Variants in HIVEP3 observed in about 807,000 individuals in gnomAD.
The protein encoded by HIVEP3 is HIVEP zinc finger 3.
In HIVEP3, 49 loss-of-function variants were observed where a neutral mutation model predicts 152.8. The ratio of observed to expected loss-of-function variants is 0.32; its 90% CI spans 0.26 to 0.41. The LOEUF (loss-of-function observed/expected upper bound fraction) is 0.41. Ranked by LOEUF, HIVEP3 falls within the 10% of genes least tolerant of loss-of-function variation. HIVEP3 has a pLI of 1.00. For synonymous variants in HIVEP3, 1,269 were observed against 1,289.0 expected, an observed-to-expected ratio of 0.98 and a Z score of 0.33; for missense variants, 2,790 against 3,103.3, an observed-to-expected ratio of 0.90 and a Z score of 2.40.
At chr1:41,659,785 A>C (rs1377977099) in intron 2 of HIVEP3, among the ~76,000 whole-genome samples, 2 of 152,206 alleles carry the variant, frequency 1.3e-5, no homozygotes, top group East Asian at 3.8e-4. Context: ...ACATGGAGGA[A>C]ATGCGGCGTT....
intron 6 of HIVEP3, among the ~76,000 whole-genome samples, chr1:41,521,167 G>T (rs758576498): frequency 6.6e-6 from 1 of 152,206 alleles, no homozygotes; most frequent in Non-Finnish European, 1.5e-5. Context: ...ACCTCGTGGG[G>T]ATGCGGGAGG....
intron 1 of HIVEP3, among the ~76,000 whole-genome samples, chr1:41,854,238 C>T (rs1258790512): frequency 2.0e-5 from 3 of 152,126 alleles, no homozygotes; most frequent in Non-Finnish European, 4.4e-5. Flanking sequence ...TGGGCCAGGA[C>T]CTGCATACAG....
chr1:41,854,518 T>C (rs1174867463), intron 1 of HIVEP3, among the ~76,000 whole-genome samples: 4 of 26,018 alleles, frequency 1.5e-4, no homozygotes, highest in African/African-American at 4.6e-4. Flanking sequence ...CTTGCTGCAC[T>C]TTTTTTTTTT....
chr1:41,763,554 T>G (rs1470550389), intron 1 of HIVEP3, among the ~76,000 whole-genome samples: 1 of 152,218 alleles, frequency 6.6e-6, no homozygotes, highest in African/African-American at 2.4e-5. Context: ...GTCTCCAAAG[T>G]ATAGTATACA....
intron 5 of HIVEP3, among the ~76,000 whole-genome samples, chr1:41,570,122 G>A (rs935051518): frequency 1.3e-5 from 2 of 152,192 alleles, no homozygotes; most frequent in South Asian, 2.1e-4. Flanking sequence ...TATAGATCAC[G>A]TTGGGACTGA....
At chr1:42,035,350 C>A (rs1249056313) in intron 1 of HIVEP3, among the ~76,000 whole-genome samples, 1 of 152,230 alleles carries the variant, frequency 6.6e-6, no homozygotes, top group Non-Finnish European at 1.5e-5. Flanking sequence ...GCACAGGGAA[C>A]GCGGCTGGCA....
In HIVEP3 at chr1:41,581,195, G is replaced by A. The variant is rs749749686; in HGVS notation, c.3603C>T (p.Gly1201=). 6.4e-7 allele frequency: 1 copy of A among 1,553,760 alleles called. No homozygotes were observed. Among genetic ancestry groups the A allele is most frequent in the Admixed American group, 1.9e-5 (1 of 52,602 alleles). The change falls in exon 4 of 9, where the codon GGC becomes GGT. Residue 1201 remains glycine (G), a synonymous_variant. Coordinates refer to ENST00000372583, the MANE Select transcript of HIVEP3 (RefSeq NM_024503.5). This position sits in a 1 kb window ranked among gnomAD's most constrained non-coding sequence, Gnocchi z 4.5. ...GCATGAGCTGGGGGAGATGGAGTTG[G>A]CCTGGGTGCAGAACAGTAGGCTGGA... ...LPLQPTVLHP[G]QLHLPQLMPH... is the part of the protein sequence containing the mutation.
chr1:42,035,650 G>C (rs1232122602), intron 1 of HIVEP3, among the ~76,000 whole-genome samples: 1 of 151,872 alleles, frequency 6.6e-6, no homozygotes, highest in Admixed American at 6.5e-5. Context: ...GCCCGGAGGC[G>C]TTGGGGGGAT....
intron 1 of HIVEP3, among the ~76,000 whole-genome samples, chr1:41,956,688 T>A (rs975963103): frequency 1.3e-5 from 2 of 152,244 alleles, no homozygotes; most frequent in African/African-American, 4.8e-5. Context: ...GAAGCAGCGA[T>A]GAAAATAAAA....
At chr1:41,999,109 T>C (rs1236020796) in intron 1 of HIVEP3, among the ~76,000 whole-genome samples, 1 of 151,876 alleles carries the variant, frequency 6.6e-6, no homozygotes, top group Non-Finnish European at 1.5e-5. Context: ...TTGGCCAGGA[T>C]GGTCTTGATC....
chr1:41,739,250 C>T (rs1646962960), intron 1 of HIVEP3, among the ~76,000 whole-genome samples: 1 of 152,218 alleles, frequency 6.6e-6, no homozygotes, highest in African/African-American at 2.4e-5. Context: ...GTGCACAGAG[C>T]AGCCGGTGGC....
At chr1:41,849,286 G>A (rs985761070) in intron 1 of HIVEP3, among the ~76,000 whole-genome samples, 9 of 152,090 alleles carry the variant, frequency 5.9e-5, no homozygotes, top group African/African-American at 1.2e-4. Context: ...TGATCTTCAC[G>A]ACAGATGCAC....
intron 1 of HIVEP3, among the ~76,000 whole-genome samples, chr1:42,027,813 C>T (rs1645591039): frequency 6.6e-6 from 1 of 152,140 alleles, no homozygotes; most frequent in Non-Finnish European, 1.5e-5. Flanking sequence ...AAGCAGAAAC[C>T]CCTGATAAAC....
At chr1:41,770,440 C>T (rs1648280753) in intron 1 of HIVEP3, among the ~76,000 whole-genome samples, 1 of 152,122 alleles carries the variant, frequency 6.6e-6, no homozygotes, top group African/African-American at 2.4e-5. Flanking sequence ...GATGTATTGA[C>T]TGGCTTCTAA....
chr1:42,024,464 G>T (rs548363337), intron 1 of HIVEP3, among the ~76,000 whole-genome samples: 5 of 152,218 alleles, frequency 3.3e-5, no homozygotes, highest in African/African-American at 1.2e-4. Context: ...AGAAATGGCA[G>T]CATACATTGT....
At chr1:41,625,475 C>T (rs76438884) in intron 3 of HIVEP3, among the ~76,000 whole-genome samples, 1 of 152,178 alleles carries the variant, frequency 6.6e-6, no homozygotes, top group Admixed American at 6.5e-5. Flanking sequence ...TTGCCAATTC[C>T]TGATCTAGAA....
At chr1:41,863,970 T>C (rs1174214113) in intron 1 of HIVEP3, among the ~76,000 whole-genome samples, 1 of 152,208 alleles carries the variant, frequency 6.6e-6, no homozygotes, top group African/African-American at 2.4e-5. Flanking sequence ...GGATTAGCCA[T>C]CTGCAGAAAA....
At chr1:41,906,309 A>G (rs950175203) in intron 1 of HIVEP3, among the ~76,000 whole-genome samples, 13 of 124,066 alleles carry the variant, frequency 1.0e-4, no homozygotes, top group Admixed American at 2.2e-4. Flanking sequence ...ACTCTGTCTG[A>G]AAAAAAAAAA....
rs573613403 is a variant in HIVEP3 at position 41,607,733 on chromosome 1, T to C, written c.-522+21016A>G. On this transcript the variant is annotated intron_variant, in intron 3 of 8. Transcript: ENST00000372583. Reference sequence around the variant, plus strand: ...GTTAGGATATGTATTAGGATACAGGTTCTAGCTCCTATAACAAGGACCTAA... The same window carrying C: ...GTTAGGATATGTATTAGGATACAGGCTCTAGCTCCTATAACAAGGACCTAA... Among the ~76,000 whole-genome samples, 696 of 152,326 alleles carry C rather than the reference T, an allele frequency of 4.6e-3. 2 individuals carry two copies. The highest frequency in any genetic ancestry group is 8.3e-3 in the Non-Finnish European group (567 of 68,028).
Sources: gnomAD v4.1 joint callset for allele counts (sites outside exome capture counted in the v4.1 genomes callset) on GRCh38, gnomAD v4.1.1 for gene constraint, Gnocchi (gnomAD v3.1) non-coding constraint, MANE v1.5 for transcripts, NCBI Gene and HGNC (gene_info 2026-07-23, HGNC 2026-07-21) for gene names.